POU6F2: variants seen among roughly 807,000 people sequenced by gnomAD.
POU6F2 encodes POU class 6 homeobox 2, also known as POU domain, class 6, transcription factor 2.
In POU6F2, 31 loss-of-function variants were observed where a neutral mutation model predicts 71.3. The observed-to-expected ratio is 0.43, with a 90% CI of 0.33 to 0.59. The LOEUF (loss-of-function observed/expected upper bound fraction) is 0.59. POU6F2 is among the 20% of genes least tolerant of loss of function. The probability of loss-of-function intolerance (pLI) is 0.04; values close to 1 mark genes in which losing one functional copy is unlikely to be tolerated. For synonymous variants in POU6F2, 347 were observed against 355.7 expected (o/e 0.98, Z 0.27); for missense variants, 783 against 856.8 (o/e 0.91, Z 1.07).
At chr7:39,005,856 CT>C (rs1789050365) in intron 1 of POU6F2, among the ~76,000 whole-genome samples, 1 of 152,008 alleles carries the variant, frequency 6.6e-6, no homozygotes, top group Non-Finnish European at 1.5e-5. Flanking sequence ...ACAATTGGAC[CT>C]TTTCATCATA....
chr7:39,366,879 G>A (rs1406728395), intron 5 of POU6F2, among the ~76,000 whole-genome samples: 1 of 152,050 alleles, frequency 6.6e-6, no homozygotes, highest in Non-Finnish European at 1.5e-5. Flanking sequence ...GGCTTCTTGA[G>A]GTGACCAGCA....
chr7:39,037,056 C>T (rs1330099769), intron 1 of POU6F2, among the ~76,000 whole-genome samples: 1 of 151,984 alleles, frequency 6.6e-6, no homozygotes, highest in Non-Finnish European at 1.5e-5. Context: ...ACATAATCCT[C>T]ATTTGAAAAA....
chr7:39,413,062 C>T (rs1392837356), intron 6 of POU6F2, among the ~76,000 whole-genome samples: 1 of 151,584 alleles, frequency 6.6e-6, no homozygotes, highest in Non-Finnish European at 1.5e-5. Context: ...CCTCGGCCCC[C>T]CAAAGTGCTG....
intron 2 of POU6F2, among the ~76,000 whole-genome samples, chr7:39,195,012 G>C (rs184230956): frequency 6.6e-6 from 1 of 152,224 alleles, no homozygotes; most frequent in East Asian, 1.9e-4. Flanking sequence ...TCACCACGAG[G>C]GTCCGCGGTT....
chr7:39,406,242 G>A (rs1249275467), intron 5 of POU6F2: 1 of 216,308 alleles, frequency 4.6e-6, no homozygotes, highest in African/African-American at 2.3e-5. Context: ...GGTTACCTCA[G>A]GGAAAGCAGA....
Position 38,989,827 on chromosome 7 carries a change from TTGTG to T in POU6F2, c.105+11786_105+11789del, listed in dbSNP as rs144183792. Among the ~76,000 whole-genome samples the T allele has an allele frequency of 7.5e-3, 976 of 130,302 alleles. 10 individuals carry two copies. Among genetic ancestry groups the T allele is most frequent in the African/African-American group, 0.023 (826 of 35,320 alleles). 85.5% of individuals were successfully genotyped at this position (130,302 alleles called of 152,430 possible). A position where few individuals can be genotyped will look rare whatever the true frequency, so the allele number is the denominator to read the frequency against. On this transcript the variant is annotated intron_variant, in intron 1 of 9. Transcript: ENST00000518318. ...TGTGTGTGTGTGTGTGTGTGTGTGT[TTGTG>T]TGTGTGTGTGTGTGTGGAAAATTCC...
chr7:39,218,964 T>A (rs1163751033), intron 4 of POU6F2, among the ~76,000 whole-genome samples: 1 of 152,048 alleles, frequency 6.6e-6, no homozygotes, highest in East Asian at 1.9e-4. Context: ...GGAAGAGATT[T>A]CTGGGGGAGA....
intron 2 of POU6F2, 128 bp from the exon 3 acceptor site, chr7:39,204,107 G>A (rs1793959298): frequency 1.3e-6 from 1 of 785,734 alleles, no homozygotes; most frequent in Middle Eastern, 2.2e-4. Context: ...GTATGCAGTT[G>A]ATAAGTGATT....
intron 4 of POU6F2, among the ~76,000 whole-genome samples, chr7:39,231,744 T>C (rs991982241): frequency 2.0e-5 from 3 of 152,024 alleles, no homozygotes; most frequent in Non-Finnish European, 4.4e-5. Flanking sequence ...GACTCAGGGG[T>C]CCTAGGGAAT....
chr7:39,193,190 A>G lies in POU6F2; in HGVS notation c.278-11045A>G, dbSNP rs114659046. 1.8e-3 allele frequency among the ~76,000 whole-genome samples: 277 copies of G among 152,248 alleles called. 1 individual carries two copies. Among genetic ancestry groups the G allele is most frequent in the African/African-American group, 6.4e-3 (267 of 41,550 alleles). ...CTAAGAATGCAGCTGCACTTAGCTC[A>G]TTATTAACATTTTTTTAAAGACGAT... On this transcript the variant is annotated intron_variant, in intron 2 of 9. Transcript: ENST00000518318.
At chr7:38,990,016 C>A (rs1003194501) in intron 1 of POU6F2, among the ~76,000 whole-genome samples, 2 of 151,998 alleles carry the variant, frequency 1.3e-5, no homozygotes, top group African/African-American at 4.8e-5. Context: ...CATCTTTTAA[C>A]TGATTAAGAT....
chr7:39,042,814 T>C (rs1008554927), intron 1 of POU6F2, among the ~76,000 whole-genome samples: 1 of 151,596 alleles, frequency 6.6e-6, no homozygotes, highest in Non-Finnish European at 1.5e-5. Flanking sequence ...TTCAGTTCTA[T>C]GTGGCTGGCT....
chr7:39,373,468 G>C (rs1786653614), intron 5 of POU6F2: 4 of 456,522 alleles, frequency 8.8e-6, no homozygotes, highest in South Asian at 4.6e-5. Flanking sequence ...TGTTTCTTTT[G>C]CTCTGAAGAT....
chr7:39,112,390 T>C (rs1305555682), intron 2 of POU6F2, among the ~76,000 whole-genome samples: 1 of 152,218 alleles, frequency 6.6e-6, no homozygotes, highest in East Asian at 1.9e-4. Context: ...CACAAAACTT[T>C]ATGATCTATT....
At chr7:39,009,691 C>T (rs1251809268) in intron 1 of POU6F2, among the ~76,000 whole-genome samples, 1 of 152,026 alleles carries the variant, frequency 6.6e-6, no homozygotes, top group African/African-American at 2.4e-5. Flanking sequence ...TTTTGAAATA[C>T]GTCCCATCAA....
chr7:39,084,763 C>T (rs182884525), intron 1 of POU6F2, among the ~76,000 whole-genome samples: 5 of 152,212 alleles, frequency 3.3e-5, no homozygotes, highest in Admixed American at 2.6e-4. Flanking sequence ...TGGTGGGACC[C>T]GGGAGCATGC....
intron 4 of POU6F2, among the ~76,000 whole-genome samples, chr7:39,287,969 G>A (rs1200639778): frequency 6.6e-6 from 1 of 152,140 alleles, no homozygotes; most frequent in East Asian, 1.9e-4. Context: ...CTGTCAGTAG[G>A]GGAGATTGCT....
At chr7:39,212,869 T>C (rs1342505805) in intron 4 of POU6F2, among the ~76,000 whole-genome samples, 1 of 152,196 alleles carries the variant, frequency 6.6e-6, no homozygotes, top group Non-Finnish European at 1.5e-5. Flanking sequence ...TTTATGGAGC[T>C]CATGCAAATG....
chr7:39,387,102 G>A (rs1786962096), intron 5 of POU6F2, among the ~76,000 whole-genome samples: 1 of 152,228 alleles, frequency 6.6e-6, no homozygotes, highest in African/African-American at 2.4e-5. Flanking sequence ...GGGACAGGAA[G>A]ACAGTGGACC....
Sources: allele counts gnomAD v4.1 joint callset (sites outside exome capture counted in the v4.1 genomes callset), GRCh38; gene constraint gnomAD v4.1.1; transcripts MANE v1.5; gene names NCBI Gene and HGNC (gene_info 2026-07-23, HGNC 2026-07-21).